ACE: variants seen among roughly 807,000 people sequenced by gnomAD.
The protein encoded by ACE is angiotensin-converting enzyme.
In ACE, 122 loss-of-function variants were observed where a neutral mutation model predicts 162.3. The ratio of observed to expected loss-of-function variants is 0.75; its 90% CI spans 0.65 to 0.87. ACE has a LOEUF of 0.87. ACE is among the 40% of genes least tolerant of loss of function. The pLI is 0.00. For synonymous variants in ACE, 796 were observed against 720.6 expected (o/e 1.10, Z -1.68); for missense variants, 1,799 against 1,735.1 (o/e 1.04, Z -0.65).
Position 63,496,985 on chromosome 17 carries a change from G to C in ACE, c.3691G>C (p.Ala1231Pro). The change falls in exon 24 of 25, where the codon GCT becomes CCT. Residue 1231 changes from alanine to proline, a missense_variant and splice_region_variant. Ala to Pro is a conservative substitution (Grantham distance 27). Coordinates refer to ENST00000290866, the MANE Select transcript of ACE (RefSeq NM_000789.4). ...WPQYNWTPNSARSEGPLPDSG... is the reference protein window; with the variant it reads ...WPQYNWTPNSPRSEGPLPDSG... ...GCAGTACAACTGGACGCCGAACTCC[G>C]GTACCGCCACCCACCCCACCTCCAG... is the stretch of plus-strand genomic sequence containing the variant. The C allele has an allele frequency of 6.2e-7, 1 of 1,608,600 alleles. No individual in the cohort carries two copies. Among genetic ancestry groups the C allele is most frequent in the Non-Finnish European group, 8.5e-7 (1 of 1,178,426 alleles).
intron 22 of ACE, among the ~76,000 whole-genome samples, chr17:63,495,747 T>A (rs901287846): frequency 6.6e-6 from 1 of 152,234 alleles, no homozygotes; most frequent in Non-Finnish European, 1.5e-5. Context: ...AAAGGAGACT[T>A]GGCTGCTCTA....
intron 22 of ACE, 114 bp from the exon 23 acceptor site, chr17:63,496,280 C>G: frequency 6.6e-7 from 1 of 1,520,372 alleles, no homozygotes; most frequent in East Asian, 2.3e-5. Flanking sequence ...CTTGGCTCTG[C>G]TGTGCGCATG....
rs778761686 is a variant in ACE at position 63,486,719 on chromosome 17, T to G, written c.2217+4T>G. 1 of 1,614,114 alleles carries G rather than the reference T, an allele frequency of 6.2e-7. No individual in the cohort carries two copies. Among genetic ancestry groups the G allele is most frequent in the African/African-American group, 1.3e-5 (1 of 75,038 alleles). ...GCCTGCCCAGGAGCTGGAGGAGGTG[T>G]GTGGCTCGCAAGGTACAGGGAGAGG... On this transcript the variant is annotated splice_donor_region_variant and intron_variant, in intron 14 of 24. Transcript: ENST00000290866.
At chr17:63,497,092 G>A (rs777599559) in intron 24 of ACE, 45 bp from the exon 25 acceptor site, 2 of 1,588,906 alleles carry the variant, frequency 1.3e-6, no homozygotes, top group East Asian at 4.5e-5. Flanking sequence ...CCCTTGCCCT[G>A]CCCTGCCCTG....
rs1427020917 is a variant in ACE, at chr17:63,496,521, G to A, written c.3503+5G>A. The A allele has an allele frequency of 6.2e-7, 1 of 1,614,036 alleles. No individual in the cohort carries two copies. Among genetic ancestry groups the A allele is most frequent in the South Asian group, 1.1e-5 (1 of 91,056 alleles). On this transcript the variant is annotated splice_donor_5th_base_variant and intron_variant, in intron 23 of 24. Coordinates refer to ENST00000290866, the MANE Select transcript of ACE (RefSeq NM_000789.4). ...GGAGGCCGGGCAGCGCCTGGCGTGA[G>A]TGTCCTCCAGCCCTCCTTTGTTTCC...
Position 63,477,355 on chromosome 17 carries a change from G to C in ACE, c.249+12G>C. ...ATGCAAGGCGCCAGGTGGGCGCCCG[G>C]GCCCGGGCGGGGGCGGGGCGGGGCC... is the stretch of plus-strand genomic sequence containing the variant. On this transcript the variant is annotated intron_variant, in intron 1 of 24. Transcript: ENST00000290866. 1.6e-6 allele frequency: 2 copies of C among 1,267,086 alleles called. No individual in the cohort carries two copies. The highest frequency in any genetic ancestry group is 2.0e-6 in the Non-Finnish European group (2 of 999,112). The allele number at this position is 1,267,086 out of a possible 1,614,324, so 78.5% of individuals were successfully genotyped here.
At chr17:63,478,638 G>T in intron 2 of ACE, 1 of 372,910 alleles carries the variant, frequency 2.7e-6, no homozygotes, top group Non-Finnish European at 5.2e-6. Flanking sequence ...ACCCCAGCCT[G>T]CGTGACAGAG....
At position 63,496,184 on chromosome 17, in the gene ACE, C is replaced by T. The variant is rs1198462089; in HGVS notation, c.3381-210C>T. 6.1e-6 allele frequency: 4 copies of T among 660,722 alleles called. No homozygotes were observed. The East Asian group carries it at 1.1e-4, about 19-fold the overall frequency. The allele number at this position is 660,722 out of a possible 1,614,324, so 40.9% of individuals were successfully genotyped here. On this transcript the variant is annotated intron_variant, in intron 22 of 24. Coordinates refer to ENST00000290866, the MANE Select transcript of ACE (RefSeq NM_000789.4). ...GCTCTGTGGGTGGGAGGCATCTACA[C>T]AGGCACGGCTAGGAAGAGGCTCAGA... is the stretch of plus-strand genomic sequence containing the variant.
Position 63,496,661 on chromosome 17 carries a change from C to T in ACE, c.3504-137C>T, listed in dbSNP as rs563898261. ...CTGCAGCGTGGGCCAGGCCTGATTG[C>T]CATCTCCTTAGGCACCTGGAGCCCT... On this transcript the variant is annotated intron_variant, in intron 23 of 24. Coordinates refer to ENST00000290866, the MANE Select transcript of ACE (RefSeq NM_000789.4). 863 of 1,575,154 alleles carry T rather than the reference C, an allele frequency of 5.5e-4. 4 individuals are homozygous for T. The highest frequency in any genetic ancestry group is 1.1e-3 in the South Asian group (102 of 88,922).
intron 7 of ACE, 37 bp downstream of exon 7, chr17:63,481,775 G>A (rs200713261): frequency 5.0e-5 from 81 of 1,613,458 alleles, no homozygotes; most frequent in Admixed American, 2.7e-4. Context: ...GGGGTTCCCC[G>A]GTTCTGGGGC....
chr17:63,481,309 G>A, intron 6 of ACE, 121 bp downstream of exon 6: 3 of 997,136 alleles, frequency 3.0e-6, no homozygotes, highest in South Asian at 2.8e-5. Context: ...TGGTGTGTCT[G>A]TAGGAGCAGT....
Position 63,483,442 on chromosome 17 carries a change from T to G in ACE, c.1488-18T>G. ...TGCAACCTCTAGGCCCTAAGACAAT[T>G]TAACCATCCTTTTCCAGAACCAAGT... On this transcript the variant is annotated intron_variant, in intron 9 of 24. Transcript: ENST00000290866. 1 of 1,608,094 alleles carries G rather than the reference T, an allele frequency of 6.2e-7. No homozygotes were observed. Among genetic ancestry groups the G allele is most frequent in the Admixed American group, 1.7e-5 (1 of 60,008 alleles).
chr17:63,481,234 G>GGGGCCCGGGGGGGGGC, intron 6 of ACE, 46 bp downstream of exon 6: 1 of 624,022 alleles, frequency 1.6e-6, no homozygotes. Flanking sequence ...CGGGGGTGGG[G>GGGGCCCGGGGGGGGGC]CGCAAAAAAA....
In ACE at chr17:63,497,952, C is replaced by A. The variant is rs74979666; in HGVS notation, c.*586C>A. 1,634 of 208,408 alleles carry A rather than the reference C, an allele frequency of 7.8e-3. 22 individuals are homozygous for A. Among genetic ancestry groups the A allele is most frequent in the African/African-American group, 0.036 (1,529 of 42,348 alleles). 12.9% of individuals were successfully genotyped at this position (208,408 alleles called of 1,614,324 possible). ...TTCCCTGCTCCACAAATGGCCAGGT[C>A]CCCCCAGGGGAAGGCTTCCGGCTGT... On this transcript the variant is annotated 3_prime_UTR_variant, in exon 25 of 25. Coordinates refer to ENST00000290866, the MANE Select transcript of ACE (RefSeq NM_000789.4).
Position 63,484,966 on chromosome 17 carries a change from A to C in ACE, c.1922-270A>C. 6.2e-7 allele frequency: 1 copy of C among 1,606,472 alleles called. No individual in the cohort carries two copies. Among genetic ancestry groups the C allele is most frequent in the Non-Finnish European group, 8.5e-7 (1 of 1,176,586 alleles). On this transcript the variant is annotated intron_variant, in intron 12 of 24. Transcript: ENST00000290866. The surrounding 1 kb of genome is among the most constrained non-coding windows in gnomAD (Gnocchi z 4.0). ...TGGTCCCCAGCCAGGAGGCATCCCA[A>C]CAGGTGACAGTCACCCATGGGACAA...
Position 63,497,853 on chromosome 17 carries a change from C to A in ACE, c.*487C>A. 9.3e-6 allele frequency: 3 copies of A among 322,074 alleles called. No homozygotes were observed. The highest frequency in any genetic ancestry group is 4.6e-5 in the Admixed American group (1 of 21,864). 20.0% of individuals were successfully genotyped at this position (322,074 alleles called of 1,614,324 possible). Reference sequence around the variant, plus strand: ...GCAGGCAGCCCCTGTCTGGCCCAAGCACTGACCCACGCGGACTCTGGGAAG... The same window carrying A: ...GCAGGCAGCCCCTGTCTGGCCCAAGAACTGACCCACGCGGACTCTGGGAAG... On this transcript the variant is annotated 3_prime_UTR_variant, in exon 25 of 25. Coordinates refer to ENST00000290866, the MANE Select transcript of ACE (RefSeq NM_000789.4).
rs998995786 is a variant in ACE at position 63,480,379 on chromosome 17, C to T, written c.698C>T (p.Ser233Phe). 1 of 1,614,100 alleles carries T rather than the reference C, an allele frequency of 6.2e-7. No individual in the cohort carries two copies. Among genetic ancestry groups the T allele is most frequent in the East Asian group, 2.2e-5 (1 of 44,880 alleles). The change falls in exon 5 of 25, where the codon TCC becomes TTC. Residue 233 changes from serine to phenylalanine, a missense_variant. Physicochemically the swap from Ser to Phe is radical, Grantham distance 155. Coordinates refer to ENST00000290866, the MANE Select transcript of ACE (RefSeq NM_000789.4). The part of the protein sequence containing the change: ...TGAYWRSWYN[S>F]PTFEDDLEHL... Reference sequence around the variant, plus strand: ...GCCTACTGGCGCTCCTGGTACAACTCCCCCACCTTCGAGGACGATCTGGAA... The same window carrying T: ...GCCTACTGGCGCTCCTGGTACAACTTCCCCACCTTCGAGGACGATCTGGAA...
At position 63,481,739 on chromosome 17, in the gene ACE, G is replaced by A. The variant is rs746746832; in HGVS notation, c.1118+1G>A. 3.7e-6 allele frequency: 6 copies of A among 1,613,956 alleles called. No individual in the cohort carries two copies. Among genetic ancestry groups the A allele is most frequent in the Non-Finnish European group, 4.2e-6 (5 of 1,180,018 alleles). On this transcript the variant is annotated splice_donor_variant, in intron 7 of 24. Transcript: ENST00000290866. LOFTEE classifies it high-confidence loss of function. ...ACTTCTACAACAGGAAAGACTTCAG[G>A]TTCAGACATGGGAAGAGCACGTTCT... is the stretch of plus-strand genomic sequence containing the variant.
Position 63,491,134 on chromosome 17 carries a change from C to A in ACE, c.2740-75C>A. On this transcript the variant is annotated intron_variant, in intron 18 of 24. Transcript: ENST00000290866. This position sits in a 1 kb window ranked among gnomAD's most constrained non-coding sequence, Gnocchi z 4.4. ...CAGGAGTTCCCTCCAGTTTAGCCCT[C>A]CCCCGGGATCCCCACGGCAGCACGC... 6.2e-7 allele frequency: 1 copy of A among 1,609,382 alleles called. No individual in the cohort carries two copies. Among genetic ancestry groups the A allele is most frequent in the Non-Finnish European group, 8.5e-7 (1 of 1,177,142 alleles).
Sources: gnomAD v4.1 joint callset for allele counts (sites outside exome capture counted in the v4.1 genomes callset) on GRCh38, gnomAD v4.1.1 for gene constraint, Gnocchi (gnomAD v3.1) non-coding constraint, MANE v1.5 for transcripts, NCBI Gene and HGNC (gene_info 2026-07-23, HGNC 2026-07-21) for gene names.